NTM: variants seen among roughly 807,000 people sequenced by gnomAD.
The protein encoded by NTM is neurotrimin.
A neutral mutation model predicts 42.1 loss-of-function variants in NTM; 13 were observed. The observed-to-expected ratio is 0.31, with a 90% CI of 0.20 to 0.49. The LOEUF is 0.49. Ranked by LOEUF, NTM falls within the 20% of genes least tolerant of loss-of-function variation. The pLI is 0.99. For synonymous variants in NTM, 187 were observed against 179.2 expected, an observed-to-expected ratio of 1.04 and a Z score of -0.35; for missense variants, 373 against 452.8, an observed-to-expected ratio of 0.82 and a Z score of 1.60.
At chr11:131,772,232 T>A (rs2086221983) in intron 1 of NTM, among the ~76,000 whole-genome samples, 1 of 152,164 alleles carries the variant, frequency 6.6e-6, no homozygotes, top group Admixed American at 6.5e-5. Context: ...CACACGTTCA[T>A]TGTTATAGAG....
At chr11:132,318,584 G>A (rs2095488776) in intron 7 of NTM, among the ~76,000 whole-genome samples, 1 of 152,140 alleles carries the variant, frequency 6.6e-6, no homozygotes, top group African/African-American at 2.4e-5. Context: ...CCTAGAGTGA[G>A]TGACTCATTA....
intron 3 of NTM, among the ~76,000 whole-genome samples, chr11:132,175,444 T>C (rs2076665403): frequency 1.3e-5 from 2 of 152,274 alleles, no homozygotes; most frequent in Admixed American, 6.5e-5. Context: ...TACTAGAACC[T>C]AGTCTATATG....
intron 1 of NTM, among the ~76,000 whole-genome samples, chr11:131,507,347 G>C (rs1012765196): frequency 1.3e-5 from 2 of 151,168 alleles, no homozygotes; most frequent in Non-Finnish European, 2.9e-5. Flanking sequence ...TCTCAGGTTT[G>C]TCAAAGATCA....
At chr11:131,822,239 T>A (rs1209996559) in intron 1 of NTM, among the ~76,000 whole-genome samples, 2 of 152,150 alleles carry the variant, frequency 1.3e-5, no homozygotes, top group Non-Finnish European at 2.9e-5. Context: ...CCCTTCTTCC[T>A]TTTCACTGCA....
At chr11:131,498,441 T>G (rs318975) in intron 1 of NTM, among the ~76,000 whole-genome samples, 105,225 of 152,092 alleles carry the variant, frequency 0.69, 37,081 homozygotes, top group East Asian at 0.94. Context: ...ATTGATTTTT[T>G]TATTATGATG....
intron 2 of NTM, among the ~76,000 whole-genome samples, chr11:131,948,204 A>G (rs484320): frequency 2.6e-5 from 4 of 151,090 alleles, no homozygotes; most frequent in Non-Finnish European, 5.9e-5. Context: ...TACTAAAAAT[A>G]TAAAAAAAAA....
At chr11:131,957,589 T>A (rs1194362215) in intron 2 of NTM, among the ~76,000 whole-genome samples, 1 of 152,256 alleles carries the variant, frequency 6.6e-6, no homozygotes, top group Non-Finnish European at 1.5e-5. Flanking sequence ...GTGATTTATT[T>A]TATTGTCATT....
chr11:132,043,958 A>ATGTGTGTGTGTGTGTGTG (rs71067353), intron 2 of NTM, among the ~76,000 whole-genome samples: 44 of 146,378 alleles, frequency 3.0e-4, no homozygotes, highest in Admixed American at 8.1e-4. Flanking sequence ...GACACCAACT[A>ATGTGTGTGTGTGTGTGTG]TGTGTGTGTG....
intron 2 of NTM, among the ~76,000 whole-genome samples, chr11:132,007,384 C>T (rs1019601868): frequency 3.3e-5 from 5 of 152,178 alleles, no homozygotes; most frequent in Non-Finnish European, 7.3e-5. Flanking sequence ...CCAGGCTGCA[C>T]AGCAGGACAC....
chr11:131,908,752 C>T (rs973199575), intron 1 of NTM, among the ~76,000 whole-genome samples: 8 of 152,170 alleles, frequency 5.3e-5, no homozygotes, highest in African/African-American at 1.9e-4. Context: ...TTTATCTTAA[C>T]GTGGTGAAGT....
chr11:131,846,756 C>T (rs913362565), intron 1 of NTM, among the ~76,000 whole-genome samples: 4 of 152,036 alleles, frequency 2.6e-5, no homozygotes, highest in African/African-American at 9.7e-5. Context: ...AGCAAGCGTA[C>T]ATTTCAGAAA....
At chr11:131,924,126 C>G (rs1039739669) in intron 2 of NTM, among the ~76,000 whole-genome samples, 1 of 152,222 alleles carries the variant, frequency 6.6e-6, no homozygotes, top group African/African-American at 2.4e-5. Flanking sequence ...TGTGGAAATG[C>G]ACAGTGCAGG....
intron 4 of NTM, among the ~76,000 whole-genome samples, chr11:132,220,697 C>T (rs1208775103): frequency 6.6e-6 from 1 of 152,150 alleles, no homozygotes; most frequent in Non-Finnish European, 1.5e-5. Context: ...CTAACAGCAT[C>T]CTCCCCCACA....
intron 1 of NTM, among the ~76,000 whole-genome samples, chr11:131,908,393 C>T (rs1437194016): frequency 6.6e-6 from 1 of 152,210 alleles, no homozygotes; most frequent in African/African-American, 2.4e-5. Context: ...TTGTCATTAT[C>T]CATATCCCTA....
At chr11:131,720,553 C>A (rs147690421) in intron 1 of NTM, among the ~76,000 whole-genome samples, 1 of 152,302 alleles carries the variant, frequency 6.6e-6, no homozygotes, top group Non-Finnish European at 1.5e-5. Context: ...GAGATTCTTA[C>A]TCCAATAAAA....
At chr11:131,720,708 G>A (rs2078229286) in intron 1 of NTM, among the ~76,000 whole-genome samples, 1 of 152,100 alleles carries the variant, frequency 6.6e-6, no homozygotes, top group African/African-American at 2.4e-5. Flanking sequence ...GGACTATTTT[G>A]GCTCCAGAGG....
At chr11:131,560,203 T>C (rs1237952563) in intron 1 of NTM, among the ~76,000 whole-genome samples, 1 of 152,188 alleles carries the variant, frequency 6.6e-6, no homozygotes, top group African/African-American at 2.4e-5. Flanking sequence ...CCCTATTCAG[T>C]CACACTTTTT....
chr11:131,922,576 GTCTTT>G (rs989850033), intron 2 of NTM, among the ~76,000 whole-genome samples: 4 of 152,030 alleles, frequency 2.6e-5, no homozygotes, highest in African/African-American at 7.2e-5. Flanking sequence ...AATTCTGTTT[GTCTTT>G]TCTTTTAAGA....
intron 1 of NTM, among the ~76,000 whole-genome samples, chr11:131,436,589 C>A (rs1339653671): frequency 6.6e-6 from 1 of 152,176 alleles, no homozygotes; most frequent in Non-Finnish European, 1.5e-5. Flanking sequence ...TTATAGTATT[C>A]TCTGATGGTA....
Sources: gnomAD v4.1 joint callset for allele counts (sites outside exome capture counted in the v4.1 genomes callset) on GRCh38, gnomAD v4.1.1 for gene constraint, MANE v1.5 for transcripts, NCBI Gene and HGNC (gene_info 2026-07-23, HGNC 2026-07-21) for gene names.